The following EPM2A variants were observed in gnomAD, a reference collection of about 807,000 sequenced individuals.
EPM2A encodes the protein laforin.
In EPM2A, 21 loss-of-function variants were observed where a neutral mutation model predicts 26.5. The ratio of observed to expected loss-of-function variants is 0.79; its 90% CI spans 0.56 to 1.14. The LOEUF is 1.14. Among genes scored for constraint, EPM2A ranks in the 50% most tolerant of loss-of-function variants. The pLI is 0.00. For missense variants in EPM2A, 458 were observed against 440.8 expected (o/e 1.04, Z -0.35); for synonymous variants, 217 against 177.6 (o/e 1.22, Z -1.76).
chr6:145,512,052 T>C (rs1429555737), intron 2 of EPM2A, among the ~76,000 whole-genome samples: 1 of 151,790 alleles, frequency 6.6e-6, no homozygotes, highest in Non-Finnish European at 1.5e-5. Flanking sequence ...ATACATCTAA[T>C]CAAGGAAGTG....
chr6:145,448,873 AGTT>A (rs140330376), intron 4 of EPM2A, among the ~76,000 whole-genome samples: 11,888 of 152,290 alleles, frequency 0.078, 484 homozygotes, highest in Admixed American at 0.095. Flanking sequence ...ACATTCTCTT[AGTT>A]GTTTAACTTA....
chr6:145,590,249 G>C (rs961969457), intron 2 of EPM2A, among the ~76,000 whole-genome samples: 10 of 152,046 alleles, frequency 6.6e-5, no homozygotes, highest in Non-Finnish European at 1.5e-5. Context: ...TCATGGTCAA[G>C]AGCCAAGAGA....
chr6:145,434,462 A>G lies in EPM2A; in HGVS notation c.556-50365T>C, dbSNP rs148313699. On this transcript the variant is annotated intron_variant, in intron 4 of 4. Transcript: ENST00000638717. Reference sequence around the variant, plus strand: ...AGTTCTTGTGAGATCTGGTTGTTTAAAAGTGTGTGGCACTTCCTCCTCTCT... The same window carrying G: ...AGTTCTTGTGAGATCTGGTTGTTTAGAAGTGTGTGGCACTTCCTCCTCTCT... Among the ~76,000 whole-genome samples, 15 of 152,132 alleles carry G rather than the reference A, an allele frequency of 9.9e-5. No homozygotes were observed. In the East Asian group the frequency reaches 2.7e-3, roughly 27 times the overall value.
At chr6:145,394,650 G>C (rs1045668597) in intron 4 of EPM2A, among the ~76,000 whole-genome samples, 15 of 152,058 alleles carry the variant, frequency 9.9e-5, no homozygotes, top group Admixed American at 6.6e-5. Context: ...TACTAATATT[G>C]TTATGCCTTG....
chr6:145,469,925 G>A (rs75843637), intron 4 of EPM2A, among the ~76,000 whole-genome samples: 2,214 of 152,240 alleles, frequency 0.015, 46 homozygotes, highest in African/African-American at 0.05. Flanking sequence ...GGCACAGAAA[G>A]AGAAACTTTG....
In EPM2A at chr6:145,617,779, C is replaced by G. The variant is rs9497372; in HGVS notation, c.340+17466G>C. 5.2e-3 allele frequency among the ~76,000 whole-genome samples: 795 copies of G among 152,068 alleles called. 4 individuals are homozygous for G. Among genetic ancestry groups the G allele is most frequent in the African/African-American group, 0.018 (761 of 41,472 alleles). ...CATAGTGAGACCCCCATCTTTAGAA[C>G]AAACTTTTAAAAATTAGCCTAGTAT... On this transcript the variant is annotated intron_variant, in intron 2 of 3. Transcript: ENST00000450221.
At chr6:145,707,582 G>A (rs1782292807) in intron 1 of EPM2A, among the ~76,000 whole-genome samples, 1 of 152,154 alleles carries the variant, frequency 6.6e-6, no homozygotes, top group Non-Finnish European at 1.5e-5. Context: ...CATGAGATCT[G>A]ATGGTTTTAT....
intron 4 of EPM2A, among the ~76,000 whole-genome samples, chr6:145,418,527 A>G (rs985844946): frequency 4.6e-5 from 7 of 152,148 alleles, no homozygotes; most frequent in Non-Finnish European, 8.8e-5. Context: ...TGAAGACTCT[A>G]TTGGAATGAG....
chr6:145,403,577 T>G (rs1168315658), intron 4 of EPM2A, among the ~76,000 whole-genome samples: 1 of 152,178 alleles, frequency 6.6e-6, no homozygotes, highest in Non-Finnish European at 1.5e-5. Flanking sequence ...TCCGTCCATG[T>G]TGTTGTAAAT....
chr6:145,620,522 A>T (rs1400137964), downstream of EPM2A, among the ~76,000 whole-genome samples: 1 of 152,244 alleles, frequency 6.6e-6, no homozygotes, highest in Non-Finnish European at 1.5e-5. Context: ...TTAAGAAGGC[A>T]GCAATAAGGA....
At chr6:145,653,091 A>AT (rs1184160434) in intron 2 of EPM2A, among the ~76,000 whole-genome samples, 1 of 152,116 alleles carries the variant, frequency 6.6e-6, no homozygotes, top group Non-Finnish European at 1.5e-5. Flanking sequence ...CCTTTGGCTG[A>AT]TTTTTTTCTG....
At chr6:145,600,702 C>A (rs562960952) in intron 2 of EPM2A, among the ~76,000 whole-genome samples, 1 of 152,308 alleles carries the variant, frequency 6.6e-6, no homozygotes, top group South Asian at 2.1e-4. Context: ...GAAGGAGGTG[C>A]TTTCCTCCTG....
At chr6:145,489,729 T>C in intron 4 of EPM2A, 1 of 1,460,362 alleles carries the variant, frequency 6.8e-7, no homozygotes, top group Non-Finnish European at 9.6e-7. Flanking sequence ...ATCTTCGTGA[T>C]CTTCCCTGGC....
At chr6:145,384,415 G>A (rs569702283) in intron 4 of EPM2A, among the ~76,000 whole-genome samples, 1 of 122,708 alleles carries the variant, frequency 8.1e-6, no homozygotes, top group East Asian at 2.2e-4. Flanking sequence ...CACCTGTGGG[G>A]GCATGGAAGG....
At chr6:145,635,555 A>C in intron 2 of EPM2A, 69 bp from the exon 3 acceptor site, 3 of 1,459,254 alleles carry the variant, frequency 2.1e-6, no homozygotes, top group Non-Finnish European at 2.9e-6. Flanking sequence ...AGCTGCATAA[A>C]ACATGTAGTA....
chr6:145,383,865 G>A (rs1354639866), exon 5 of EPM2A: 2 of 152,110 alleles, frequency 1.3e-5, no homozygotes, highest in African/African-American at 4.8e-5. Flanking sequence ...ATGCTTTTCA[G>A]CTACTATTGA....
chr6:145,659,536 C>T (rs1778536079), intron 2 of EPM2A, among the ~76,000 whole-genome samples: 1 of 151,878 alleles, frequency 6.6e-6, no homozygotes, highest in Non-Finnish European at 1.5e-5. Context: ...ATAATTGTTC[C>T]TTAAAATTAA....
chr6:145,708,036 C>A (rs1782323351), intron 1 of EPM2A, among the ~76,000 whole-genome samples: 1 of 152,164 alleles, frequency 6.6e-6, no homozygotes, highest in South Asian at 2.1e-4. Context: ...TTCTTGTGAA[C>A]TGGAGTAAAG....
At chr6:145,609,699 T>A (rs1404765697) in intron 2 of EPM2A, among the ~76,000 whole-genome samples, 3 of 152,188 alleles carry the variant, frequency 2.0e-5, no homozygotes, top group Non-Finnish European at 4.4e-5. Context: ...GTACATTTTT[T>A]AACTCTGTCT....
Sources: allele counts gnomAD v4.1 joint callset (sites outside exome capture counted in the v4.1 genomes callset), GRCh38; gene constraint gnomAD v4.1.1; transcripts MANE v1.5; gene names NCBI Gene and HGNC (gene_info 2026-07-23, HGNC 2026-07-21).